Variants in TOP6BL observed in about 807,000 individuals in gnomAD.
The protein encoded by TOP6BL is type 2 DNA topoisomerase 6 subunit B-like.
At chr11:66,793,444 G>GTTTTTTTTTTTTTT in the TOP6BL span, among the ~76,000 whole-genome samples, 1 of 97,982 alleles carries the variant, frequency 1.0e-5, no homozygotes, top group African/African-American at 3.8e-5. Flanking sequence ...TTCTTTTTTT[G>GTTTTTTTTTTTTTT]TTTTTTTTTT....
chr11:66,751,382 A>G, the TOP6BL span, among the ~76,000 whole-genome samples: 2 of 151,068 alleles, frequency 1.3e-5, no homozygotes, highest in South Asian at 4.2e-4. Flanking sequence ...TTTAGTAGAG[A>G]CCAGGTTTCA....
At chr11:66,837,962 GTGTAAGGCACTCTGCTAGC>G in the TOP6BL span, among the ~76,000 whole-genome samples, 1 of 152,158 alleles carries the variant, frequency 6.6e-6, no homozygotes, top group Admixed American at 6.5e-5. Context: ...AACTTACCTG[GTGTAAGGCACTCTGCTAGC>G]TGTAAAGTGA....
chr11:66,753,771 C>G, the TOP6BL span, among the ~76,000 whole-genome samples: 1 of 151,824 alleles, frequency 6.6e-6, no homozygotes, highest in African/African-American at 2.4e-5. Context: ...GTGGCATGAT[C>G]TCGGCTCACT....
At chr11:66,839,875 A>G in the TOP6BL span, among the ~76,000 whole-genome samples, 1 of 152,156 alleles carries the variant, frequency 6.6e-6, no homozygotes, top group Admixed American at 6.5e-5. Context: ...TATCTCATTT[A>G]GTCTTTACAG....
the TOP6BL span, among the ~76,000 whole-genome samples, chr11:66,792,786 C>G: frequency 6.6e-6 from 1 of 152,190 alleles, no homozygotes; most frequent in Non-Finnish European, 1.5e-5. Flanking sequence ...AAGGAACTTT[C>G]ACTTCGGTTG....
At chr11:66,749,848 G>A in the TOP6BL span, among the ~76,000 whole-genome samples, 4 of 152,138 alleles carry the variant, frequency 2.6e-5, no homozygotes, top group South Asian at 6.2e-4. Context: ...AAAGGGCTGG[G>A]ATTACAAACG....
At chr11:66,770,448 A>C in the TOP6BL span, among the ~76,000 whole-genome samples, 40 of 152,282 alleles carry the variant, frequency 2.6e-4, no homozygotes, top group African/African-American at 9.1e-4. Flanking sequence ...TCATGCCTGT[A>C]ATACCAGCGC....
the TOP6BL span, among the ~76,000 whole-genome samples, chr11:66,797,720 A>T: frequency 6.6e-6 from 1 of 151,992 alleles, no homozygotes; most frequent in African/African-American, 2.4e-5. Context: ...GGCCAAGCTG[A>T]TCTTGAACTC....
At chr11:66,833,035 T>A in the TOP6BL span, among the ~76,000 whole-genome samples, 1 of 150,880 alleles carries the variant, frequency 6.6e-6, no homozygotes, top group East Asian at 1.9e-4. Context: ...CTCAAATCTT[T>A]CTGCCTTTTT....
chr11:66,768,158 C>T, the TOP6BL span, among the ~76,000 whole-genome samples: 1 of 151,796 alleles, frequency 6.6e-6, no homozygotes, highest in Non-Finnish European at 1.5e-5. Context: ...AGGAGTGGTG[C>T]TTTTCATGGG....
the TOP6BL span, among the ~76,000 whole-genome samples, chr11:66,796,597 T>C: frequency 6.6e-6 from 1 of 151,934 alleles, no homozygotes; most frequent in Non-Finnish European, 1.5e-5. Context: ...CAAGGCAACA[T>C]GGTGAGACTC....
the TOP6BL span, among the ~76,000 whole-genome samples, chr11:66,790,645 T>G: frequency 6.6e-6 from 1 of 152,334 alleles, no homozygotes; most frequent in South Asian, 2.1e-4. Flanking sequence ...AAGGCAGCCG[T>G]TATTAACACC....
At chr11:66,799,206 C>A in the TOP6BL span, among the ~76,000 whole-genome samples, 1 of 132,224 alleles carries the variant, frequency 7.6e-6, no homozygotes, top group Admixed American at 8.1e-5. Flanking sequence ...GACTCTGTCT[C>A]CAAAAAAAAA....
the TOP6BL span, among the ~76,000 whole-genome samples, chr11:66,776,350 C>A: frequency 6.6e-6 from 1 of 152,010 alleles, no homozygotes; most frequent in Non-Finnish European, 1.5e-5. Flanking sequence ...TGAGCCATCA[C>A]GCCTGGCATA....
the TOP6BL span, chr11:66,756,497 T>TA: frequency 9.4e-7 from 1 of 1,061,464 alleles, no homozygotes; most frequent in Non-Finnish European, 1.2e-6. Flanking sequence ...CATGCCTGGC[T>TA]AATTATGGGT....
At chr11:66,815,891 C>T in the TOP6BL span, 26 of 596,066 alleles carry the variant, frequency 4.4e-5, no homozygotes, top group African/African-American at 4.1e-4. Flanking sequence ...GATTTGCTTC[C>T]ATCATGTGGA....
chr11:66,745,015 C>G, the TOP6BL span: 1 of 1,188,042 alleles, frequency 8.4e-7, no homozygotes, highest in South Asian at 4.3e-5. Flanking sequence ...TCGGGCGTCG[C>G]CTAAGGTGAA....
the TOP6BL span, chr11:66,843,047 C>CCCTG: frequency 6.4e-7 from 1 of 1,560,610 alleles, no homozygotes; most frequent in South Asian, 1.2e-5. Flanking sequence ...CCGGGCAGGG[C>CCCTG]GAGCCTCGGA....
At chr11:66,830,400 G>C in the TOP6BL span, among the ~76,000 whole-genome samples, 15 of 152,126 alleles carry the variant, frequency 9.9e-5, no homozygotes, top group Non-Finnish European at 2.2e-4. Flanking sequence ...AGATGTAGCT[G>C]ATGTAGTATT....
Sources: gnomAD v4.1 joint callset for allele counts (sites outside exome capture counted in the v4.1 genomes callset) on GRCh38, gnomAD v4.1.1 for gene constraint, MANE v1.5 for transcripts, NCBI Gene and HGNC (gene_info 2026-07-23, HGNC 2026-07-21) for gene names.